DDC: variants seen among roughly 807,000 people sequenced by gnomAD.
The protein encoded by DDC is aromatic-L-amino-acid decarboxylase.
In DDC, 43 loss-of-function variants were observed where a neutral mutation model predicts 60.0. That is an observed-to-expected ratio of 0.72 (90% CI 0.56 to 0.92). The LOEUF (loss-of-function observed/expected upper bound fraction) is 0.92. Ranked by LOEUF, DDC falls within the 40% of genes least tolerant of loss-of-function variation. The pLI, the probability that DDC is intolerant of heterozygous loss-of-function variation, is 0.00. For missense variants in DDC, 573 were observed against 620.2 expected (o/e 0.92, Z 0.81); for synonymous variants, 232 against 234.6 (o/e 0.99, Z 0.10).
At chr7:50,552,441 C>T (rs1013831762) in intron 1 of DDC, among the ~76,000 whole-genome samples, 18 of 152,190 alleles carry the variant, frequency 1.2e-4, no homozygotes, top group African/African-American at 4.3e-4. Context: ...TGGTGCATTG[C>T]CTGTGCACGG....
At chr7:50,511,086 A>ACACAC (rs1563015913) in intron 6 of DDC, among the ~76,000 whole-genome samples, 1 of 135,240 alleles carries the variant, frequency 7.4e-6, no homozygotes, top group Non-Finnish European at 1.6e-5. Flanking sequence ...CACACACACA[A>ACACAC]AATAATATAT....
At chr7:50,476,156 A>G (rs532687866) in intron 11 of DDC, among the ~76,000 whole-genome samples, 13 of 152,262 alleles carry the variant, frequency 8.5e-5, no homozygotes, top group Admixed American at 2.0e-4. Context: ...TGGCATTTTC[A>G]AAGTATGCCT....
chr7:50,487,730 G>A (rs1229861682), intron 9 of DDC, among the ~76,000 whole-genome samples: 1 of 152,094 alleles, frequency 6.6e-6, no homozygotes, highest in East Asian at 1.9e-4. Flanking sequence ...TGCTTTTCAA[G>A]TTCACATGAC....
At chr7:50,517,843 A>C (rs1241504710) in intron 6 of DDC, among the ~76,000 whole-genome samples, 2 of 151,166 alleles carry the variant, frequency 1.3e-5, no homozygotes, top group African/African-American at 4.9e-5. Context: ...AAAAAAAAAA[A>C]AAACCTTAGG....
intron 14 of DDC, among the ~76,000 whole-genome samples, chr7:50,462,637 G>C (rs2042303099): frequency 2.0e-5 from 3 of 152,186 alleles, no homozygotes; most frequent in African/African-American, 7.2e-5. Context: ...AACAAATGCT[G>C]TTTGAAGAAA....
intron 7 of DDC, 126 bp downstream of exon 7, chr7:50,503,867 G>T: frequency 2.5e-6 from 2 of 784,346 alleles, no homozygotes; most frequent in Non-Finnish European, 4.6e-6. Context: ...TTGCAAATAC[G>T]AGAAGAGCTG....
At chr7:50,482,539 C>T (rs748852551) in intron 9 of DDC, among the ~76,000 whole-genome samples, 7 of 152,152 alleles carry the variant, frequency 4.6e-5, no homozygotes, top group African/African-American at 7.2e-5. Context: ...TACACACACA[C>T]GTTGATATTT....
chr7:50,555,154 G>C (rs1414378445), intron 1 of DDC, among the ~76,000 whole-genome samples: 1 of 152,148 alleles, frequency 6.6e-6, no homozygotes, highest in Non-Finnish European at 1.5e-5. Context: ...GGAGGAGGAG[G>C]CTGAGCCAGT....
rs527591261 is a variant in DDC, at chr7:50,551,006, C to T, written c.-28-6893G>A. Among the ~76,000 whole-genome samples, 7 of 152,274 alleles carry T rather than the reference C, an allele frequency of 4.6e-5. No homozygotes were observed. The South Asian group carries it at 8.3e-4, about 18-fold the overall frequency. On this transcript the variant is annotated intron_variant, in intron 1 of 14. Transcript: ENST00000444124. ...CCTAAAATGTGCAACCTCTTGTTTA[C>T]GTTTCTGCACACTTTCTTTTGCATT...
chr7:50,546,799 G>GA (rs1433461327), intron 1 of DDC, among the ~76,000 whole-genome samples: 3 of 152,234 alleles, frequency 2.0e-5, no homozygotes, highest in African/African-American at 7.2e-5. Flanking sequence ...CAGTGATTGA[G>GA]ACGTAAGATT....
At chr7:50,481,664 A>C (rs2042771794) in intron 9 of DDC, among the ~76,000 whole-genome samples, 1 of 152,214 alleles carries the variant, frequency 6.6e-6, no homozygotes, top group South Asian at 2.1e-4. Context: ...CCTGTCCCTC[A>C]CCTACTTCCT....
chr7:50,543,368 A>AC lies in DDC; in HGVS notation c.201+516dup, dbSNP rs555852025. ...TCCCGCTGATTTCTGCCCTCTGTGTACCCCAGGCCTACTGGCTTCAGAGAA... is the reference window on the plus strand; with the variant it reads ...TCCCGCTGATTTCTGCCCTCTGTGTACCCCCAGGCCTACTGGCTTCAGAGAA... On this transcript the variant is annotated intron_variant, in intron 2 of 14. Coordinates refer to ENST00000444124, the MANE Select transcript of DDC (RefSeq NM_001082971.2). 201 of 209,816 alleles carry AC rather than the reference A, an allele frequency of 9.6e-4. 8 individuals are homozygous for AC. In the South Asian group the frequency reaches 0.017, roughly 18 times the overall value. 13.0% of individuals were successfully genotyped at this position (209,816 alleles called of 1,614,324 possible).
intron 14 of DDC, among the ~76,000 whole-genome samples, chr7:50,462,730 C>T (rs184161454): frequency 9.4e-5 from 14 of 148,490 alleles, no homozygotes; most frequent in Non-Finnish European, 1.6e-4. Flanking sequence ...ATCATTCCTT[C>T]TACTTCTCCA....
intron 5 of DDC, among the ~76,000 whole-genome samples, chr7:50,528,607 G>A (rs1342009114): frequency 6.6e-6 from 1 of 152,182 alleles, no homozygotes; most frequent in Non-Finnish European, 1.5e-5. Context: ...GTAGATCCCA[G>A]AGGTGGACTT....
chr7:50,520,017 C>CTATATTATT (rs1175420228), intron 6 of DDC, among the ~76,000 whole-genome samples: 3 of 152,238 alleles, frequency 2.0e-5, no homozygotes, highest in Admixed American at 6.5e-5. Context: ...CTACTTTTCA[C>CTATATTATT]AGTTACTATA....
chr7:50,459,414 G>A (rs1221519819), intron 14 of DDC, among the ~76,000 whole-genome samples: 1 of 152,116 alleles, frequency 6.6e-6, no homozygotes, highest in Non-Finnish European at 1.5e-5. Context: ...CTGCCTGGCC[G>A]CCCATCGTCT....
intron 6 of DDC, among the ~76,000 whole-genome samples, chr7:50,511,086 A>C (rs996857131): frequency 7.4e-6 from 1 of 135,240 alleles, no homozygotes; most frequent in African/African-American, 2.7e-5. Context: ...CACACACACA[A>C]AATAATATAT....
At chr7:50,487,016 T>A (rs894511442) in intron 9 of DDC, among the ~76,000 whole-genome samples, 15 of 152,170 alleles carry the variant, frequency 9.9e-5, no homozygotes, top group African/African-American at 3.6e-4. Flanking sequence ...ACAACTTTAA[T>A]AGTTTAAGTA....
chr7:50,492,716 C>G (rs2043027033), intron 9 of DDC: 2 of 1,027,456 alleles, frequency 1.9e-6, no homozygotes, highest in African/African-American at 4.0e-5. Context: ...AATGGCCTGG[C>G]CTCATCCCTG....
Sources: gnomAD v4.1 joint callset for allele counts (sites outside exome capture counted in the v4.1 genomes callset) on GRCh38, gnomAD v4.1.1 for gene constraint, MANE v1.5 for transcripts, NCBI Gene and HGNC (gene_info 2026-07-23, HGNC 2026-07-21) for gene names.